Variants in ZCCHC17 observed in about 807,000 individuals in gnomAD.
The protein encoded by ZCCHC17 is zinc finger CCHC domain-containing protein 17.
Under a neutral mutation model 30.6 loss-of-function variants are expected in ZCCHC17, and 18 were observed. The ratio of observed to expected loss-of-function variants is 0.59; its 90% CI spans 0.41 to 0.87. The LOEUF is 0.87. ZCCHC17 is among the 40% of genes least tolerant of loss of function. The pLI, the probability that ZCCHC17 is intolerant of heterozygous loss-of-function variation, is 0.00. For synonymous variants in ZCCHC17, 88 were observed against 92.4 expected, an observed-to-expected ratio of 0.95 and a Z score of 0.27; for missense variants, 263 against 284.2, an observed-to-expected ratio of 0.93 and a Z score of 0.54.
At chr1:31,316,072 C>CT (rs1261626445) in intron 2 of ZCCHC17, among the ~76,000 whole-genome samples, 3 of 152,282 alleles carry the variant, frequency 2.0e-5, no homozygotes, top group African/African-American at 7.2e-5. Flanking sequence ...GAATTTGGCT[C>CT]TAACTTCCAG....
At chr1:31,299,433 C>A (rs568117049) in intron 1 of ZCCHC17, among the ~76,000 whole-genome samples, 2 of 152,334 alleles carry the variant, frequency 1.3e-5, no homozygotes, top group Admixed American at 1.3e-4. Context: ...ATTCTAACCT[C>A]TAATATGTCT....
intron 6 of ZCCHC17, among the ~76,000 whole-genome samples, chr1:31,347,936 A>G (rs996831584): frequency 2.6e-5 from 4 of 152,158 alleles, no homozygotes; most frequent in African/African-American, 9.7e-5. Context: ...ATCTCATACA[A>G]TTCCTCTGTG....
intron 3 of ZCCHC17, among the ~76,000 whole-genome samples, chr1:31,321,112 T>C (rs1230764439): frequency 6.6e-6 from 1 of 152,230 alleles, no homozygotes; most frequent in Non-Finnish European, 1.5e-5. Context: ...ATATTTTGGC[T>C]GTGTCCTCAC....
chr1:31,319,942 AACTTC>A, intron 3 of ZCCHC17, among the ~76,000 whole-genome samples: 1 of 152,356 alleles, frequency 6.6e-6, no homozygotes, highest in Admixed American at 6.5e-5. Context: ...GAAAATTAAA[AACTTC>A]ACTGCAAAAA....
At chr1:31,341,532 G>A (rs1265148192) in intron 5 of ZCCHC17, among the ~76,000 whole-genome samples, 2 of 152,280 alleles carry the variant, frequency 1.3e-5, no homozygotes, top group East Asian at 3.9e-4. Flanking sequence ...CTGTCTCTGT[G>A]TAGAACTATT....
chr1:31,320,772 A>G (rs1557434591), intron 3 of ZCCHC17, among the ~76,000 whole-genome samples: 1 of 151,982 alleles, frequency 6.6e-6, no homozygotes, highest in Admixed American at 6.6e-5. Context: ...TTTTGTGTGG[A>G]TATTTGCTTT....
chr1:31,305,478 T>C (rs1395642367), intron 1 of ZCCHC17, among the ~76,000 whole-genome samples: 1 of 152,068 alleles, frequency 6.6e-6, no homozygotes, highest in African/African-American at 2.4e-5. Context: ...TTAGTAGAGA[T>C]AGGGTTTTAC....
chr1:31,309,666 A>G (rs1297846341), intron 1 of ZCCHC17, among the ~76,000 whole-genome samples: 2 of 152,324 alleles, frequency 1.3e-5, no homozygotes, highest in South Asian at 2.1e-4. Context: ...CAGTGCCTGG[A>G]CATAGTAAGT....
At chr1:31,297,342 C>G in intron 1 of ZCCHC17, 1 of 395,560 alleles carries the variant, frequency 2.5e-6, no homozygotes, top group East Asian at 3.6e-5. Context: ...CGGGCATTCC[C>G]AGGGAGAAAG....
At chr1:31,313,068 C>CTTTTTTTT (rs59004055) in intron 2 of ZCCHC17, among the ~76,000 whole-genome samples, 25 of 113,496 alleles carry the variant, frequency 2.2e-4, no homozygotes, top group Admixed American at 7.1e-4. Context: ...CACTGGGCCT[C>CTTTTTTTT]TTTTTTTTTT....
chr1:31,306,953 T>G (rs552944560), intron 1 of ZCCHC17, among the ~76,000 whole-genome samples: 2 of 152,290 alleles, frequency 1.3e-5, no homozygotes, highest in South Asian at 4.1e-4. Context: ...TTCTCCTGCC[T>G]CAGCCTCCCA....
At chr1:31,302,898 A>G (rs748248311) in intron 1 of ZCCHC17, among the ~76,000 whole-genome samples, 21 of 152,208 alleles carry the variant, frequency 1.4e-4, no homozygotes, top group Non-Finnish European at 2.9e-4. Context: ...ACATGTGGGG[A>G]TTACAGTTCA....
At chr1:31,351,127 A>G (rs749138813) in intron 7 of ZCCHC17, among the ~76,000 whole-genome samples, 1 of 152,090 alleles carries the variant, frequency 6.6e-6, no homozygotes, top group Non-Finnish European at 1.5e-5. Flanking sequence ...CCTTGTTTCT[A>G]CCTTTCTATC....
chr1:31,346,407 T>A (rs1307437820), intron 5 of ZCCHC17, among the ~76,000 whole-genome samples: 3 of 152,140 alleles, frequency 2.0e-5, no homozygotes, highest in Non-Finnish European at 4.4e-5. Flanking sequence ...GTTGAGTAAT[T>A]ATATATTTTC....
intron 7 of ZCCHC17, among the ~76,000 whole-genome samples, chr1:31,354,426 C>A (rs1370200051): frequency 6.6e-6 from 1 of 151,878 alleles, no homozygotes; most frequent in Admixed American, 6.6e-5. Flanking sequence ...TCTTTTGAGG[C>A]AGAGTCTTGC....
At chr1:31,361,350 T>C (rs575287102) in intron 7 of ZCCHC17, among the ~76,000 whole-genome samples, 32 of 152,344 alleles carry the variant, frequency 2.1e-4, no homozygotes, top group African/African-American at 7.5e-4. Flanking sequence ...GAAAAATACA[T>C]ATAGCTCCCA....
chr1:31,300,547 G>A (rs1256500091), intron 1 of ZCCHC17, among the ~76,000 whole-genome samples: 1 of 152,274 alleles, frequency 6.6e-6, no homozygotes, highest in Non-Finnish European at 1.5e-5. Context: ...TAAATATAAA[G>A]ACAGAGTTAA....
intron 3 of ZCCHC17, among the ~76,000 whole-genome samples, chr1:31,321,659 GT>G (rs780450298): frequency 1.7e-4 from 26 of 152,144 alleles, no homozygotes; most frequent in Non-Finnish European, 1.2e-4. Context: ...TAGAGGCAGG[GT>G]TTTGCCATGT....
Position 31,364,046 on chromosome 1 carries a change from GA to G in ZCCHC17, c.582del (p.Lys194AsnfsTer58), listed in dbSNP as rs781305927. 3 of 1,610,130 alleles carry G rather than the reference GA, an allele frequency of 1.9e-6. No individual in the cohort carries two copies. The highest frequency in any genetic ancestry group is 2.5e-6 in the Non-Finnish European group (3 of 1,178,986). On this transcript the variant is annotated frameshift_variant, in exon 8 of 8. Coordinates refer to ENST00000344147, the MANE Select transcript of ZCCHC17 (RefSeq NM_016505.4). LOFTEE classifies it high-confidence loss of function. ...TTTCTTTTCAGGAGAAGAAGAAAAA[GA>G]AACATAGAGATAGGAAGTCATCTGA... Reference protein sequence around the residue: ...RKRKKEKKKKKHRDRKSSDSD... With the variant: ...RKRKKEKKKKXHRDRKSSDSD...
Sources: gnomAD v4.1 joint callset for allele counts (sites outside exome capture counted in the v4.1 genomes callset) on GRCh38, gnomAD v4.1.1 for gene constraint, MANE v1.5 for transcripts, NCBI Gene and HGNC (gene_info 2026-07-23, HGNC 2026-07-21) for gene names.